The following FSHR variants were observed in gnomAD, a reference collection of about 807,000 sequenced individuals.
The protein encoded by FSHR is follicle stimulating hormone receptor.
A neutral mutation model predicts 52.1 loss-of-function variants in FSHR; 46 were observed. That is an observed-to-expected ratio of 0.88 (90% confidence interval 0.70 to 1.13). FSHR has a LOEUF of 1.13. Among genes scored for constraint, FSHR ranks in the 50% most tolerant of loss-of-function variants. The pLI is 0.00. For missense variants in FSHR, 964 were observed against 834.6 expected, an observed-to-expected ratio of 1.16 and a Z score of -1.91; for synonymous variants, 399 against 309.6, an observed-to-expected ratio of 1.29 and a Z score of -3.03.
At chr2:49,146,460 C>G (rs749338071) in intron 1 of FSHR, among the ~76,000 whole-genome samples, 2 of 151,994 alleles carry the variant, frequency 1.3e-5, no homozygotes, top group Non-Finnish European at 2.9e-5. Context: ...TAGGATCCCT[C>G]ATAAATTCTT....
chr2:48,977,871 G>C (rs189976475), intron 8 of FSHR, among the ~76,000 whole-genome samples: 148 of 152,304 alleles, frequency 9.7e-4, no homozygotes, highest in Admixed American at 2.2e-3. Context: ...GGCTGGACAA[G>C]CGGGGAGGGG....
chr2:49,071,842 C>T (rs1394291488), intron 1 of FSHR, among the ~76,000 whole-genome samples: 2 of 152,090 alleles, frequency 1.3e-5, no homozygotes, highest in Admixed American at 6.6e-5. Flanking sequence ...CTCTTTTCAA[C>T]AATCAGCTCT....
At chr2:48,984,024 G>T (rs1413941315) in intron 6 of FSHR, among the ~76,000 whole-genome samples, 1 of 152,170 alleles carries the variant, frequency 6.6e-6, no homozygotes, top group African/African-American at 2.4e-5. Context: ...CTGACTACCT[G>T]CTCTTGTTTT....
intron 1 of FSHR, among the ~76,000 whole-genome samples, chr2:49,078,232 A>C (rs1478798270): frequency 6.6e-6 from 1 of 152,188 alleles, no homozygotes; most frequent in Non-Finnish European, 1.5e-5. Flanking sequence ...TCACATCTTA[A>C]ATGGATGGTG....
intron 2 of FSHR, among the ~76,000 whole-genome samples, chr2:49,065,418 G>A (rs909678145): frequency 2.0e-5 from 3 of 152,060 alleles, no homozygotes; most frequent in African/African-American, 4.8e-5. Flanking sequence ...CTGAGAGGCA[G>A]TCAGTAGGAC....
chr2:49,018,719 G>C (rs1380827531), intron 3 of FSHR, among the ~76,000 whole-genome samples: 1 of 152,166 alleles, frequency 6.6e-6, no homozygotes, highest in East Asian at 1.9e-4. Flanking sequence ...CACTTGCAGA[G>C]TGCAGAGGCA....
chr2:49,123,067 T>A (rs983549367), intron 1 of FSHR, among the ~76,000 whole-genome samples: 1 of 152,106 alleles, frequency 6.6e-6, no homozygotes. Context: ...TGGTTTGAGA[T>A]GAGAAACATC....
chr2:48,986,502 G>C (rs145916956), intron 6 of FSHR, among the ~76,000 whole-genome samples: 18 of 149,700 alleles, frequency 1.2e-4, no homozygotes, highest in African/African-American at 4.2e-4. Flanking sequence ...GTTGTGTTAA[G>C]TATGAATTAC....
intron 1 of FSHR, among the ~76,000 whole-genome samples, chr2:49,084,406 G>T (rs1272219676): frequency 1.3e-5 from 2 of 152,218 alleles, no homozygotes; most frequent in Middle Eastern, 3.4e-3. Flanking sequence ...AAGATTCACA[G>T]TTGACACCCT....
chr2:48,989,086 A>C lies in FSHR; in HGVS notation c.447-32T>G, dbSNP rs190101846. The stretch of plus-strand genomic sequence containing the variant: ...GAAAGTACAGACAAATAAGATACTT[A>C]CATCAGCTCTACTCATGTAACCTTC... On this transcript the variant is annotated intron_variant, in intron 5 of 9. Coordinates refer to ENST00000406846, the MANE Select transcript of FSHR (RefSeq NM_000145.4). The C allele has an allele frequency of 6.2e-5, 97 of 1,563,030 alleles. No homozygotes were observed. In the African/African-American group the frequency reaches 9.2e-4, roughly 15 times the overall value.
chr2:48,990,724 T>A (rs1366466147), intron 4 of FSHR, 87 bp from the exon 5 acceptor site: 1 of 858,270 alleles, frequency 1.2e-6, no homozygotes, highest in African/African-American at 1.7e-5. Flanking sequence ...AATAAAAATA[T>A]CAATTTTGAA....
chr2:49,015,996 G>A (rs909533953), intron 4 of FSHR, among the ~76,000 whole-genome samples: 2 of 152,050 alleles, frequency 1.3e-5, no homozygotes, highest in African/African-American at 4.8e-5. Context: ...ACCCTTTCTG[G>A]GGTAGCTGTC....
intron 6 of FSHR, among the ~76,000 whole-genome samples, chr2:48,985,015 T>C (rs536062685): frequency 3.0e-4 from 46 of 152,118 alleles, no homozygotes; most frequent in Non-Finnish European, 5.7e-4. Flanking sequence ...ACGTTATCTG[T>C]GGGAATCTCA....
At position 49,116,402 on chromosome 2, in the gene FSHR, C is replaced by T. The variant is rs187523219; in HGVS notation, c.152+37864G>A. Among the ~76,000 whole-genome samples the T allele has an allele frequency of 6.6e-4, 100 of 152,264 alleles. No individual in the cohort carries two copies. In the East Asian group the frequency reaches 7.3e-3, roughly 11 times the overall value. On this transcript the variant is annotated intron_variant, in intron 1 of 9. Coordinates refer to ENST00000406846, the MANE Select transcript of FSHR (RefSeq NM_000145.4). ...AAGGGGGTAAGGTGGAGGATGTGGG[C>T]TTCAGCCTTAGGCAGATGAGAGTTT...
At position 49,013,513 on chromosome 2, in the gene FSHR, T is replaced by TATAA. The variant is rs1553333457; in HGVS notation, c.374+3972_374+3975dup. ...ATATATATATATAAATATATATATA[T>TATAA]ATAAATATATATAAAAATATATATA... On this transcript the variant is annotated intron_variant, in intron 4 of 9. Transcript: ENST00000406846. Among the ~76,000 whole-genome samples the TATAA allele has an allele frequency of 7.9e-3, 1,072 of 136,556 alleles. 14 individuals are homozygous for TATAA. Among genetic ancestry groups the TATAA allele is most frequent in the Non-Finnish European group, 0.012 (759 of 65,486 alleles). 89.6% of individuals were successfully genotyped at this position (136,556 alleles called of 152,430 possible).
rs1290734933 is a variant in FSHR at position 49,038,628 on chromosome 2, ATAAT to A, written c.225-18472_225-18469del. Among the ~76,000 whole-genome samples, 69 of 111,826 alleles carry A rather than the reference ATAAT, an allele frequency of 6.2e-4. 1 individual carries two copies. The highest frequency in any genetic ancestry group is 2.3e-3 in the African/African-American group (65 of 28,768). 73.4% of individuals were successfully genotyped at this position (111,826 alleles called of 152,430 possible). A position where few individuals can be genotyped will look rare whatever the true frequency, so the allele number is the denominator to read the frequency against. On this transcript the variant is annotated intron_variant, in intron 2 of 9. Coordinates refer to ENST00000406846, the MANE Select transcript of FSHR (RefSeq NM_000145.4). ...CGACAGAGCAAGACTCTGTCTCAAA[ATAAT>A]AATAATAATAATAATAATAATAATA...
At chr2:48,994,219 T>G (rs1675917556) in intron 4 of FSHR, among the ~76,000 whole-genome samples, 1 of 152,214 alleles carries the variant, frequency 6.6e-6, no homozygotes, top group South Asian at 2.1e-4. Context: ...TTCAACGTTA[T>G]TTGGGTAGCA....
At chr2:49,092,306 G>A (rs146663121) in intron 1 of FSHR, among the ~76,000 whole-genome samples, 2,222 of 152,260 alleles carry the variant, frequency 0.015, 26 homozygotes, top group Middle Eastern at 0.024. Context: ...AGACAATCAG[G>A]TAATTTATGA....
intron 1 of FSHR, among the ~76,000 whole-genome samples, chr2:49,120,456 T>A (rs954537761): frequency 6.6e-6 from 1 of 152,210 alleles, no homozygotes; most frequent in Non-Finnish European, 1.5e-5. Flanking sequence ...TGGTCTTTTG[T>A]AGTTGGATGA....
Sources: gnomAD v4.1 joint callset for allele counts (sites outside exome capture counted in the v4.1 genomes callset) on GRCh38, gnomAD v4.1.1 for gene constraint, MANE v1.5 for transcripts, NCBI Gene and HGNC (gene_info 2026-07-23, HGNC 2026-07-21) for gene names.